Variants in CSMD1 observed in about 807,000 individuals in gnomAD.
CSMD1 encodes CUB and sushi domain-containing protein 1.
Under a neutral mutation model 417.5 loss-of-function variants are expected in CSMD1, and 213 were observed. That is an observed-to-expected ratio of 0.51 (90% CI 0.46 to 0.57). CSMD1 has a LOEUF of 0.57. Ranked by LOEUF, CSMD1 falls within the 20% of genes least tolerant of loss-of-function variation. The pLI is 0.00. For synonymous variants in CSMD1, 2,862 were observed against 1,736.8 expected, an observed-to-expected ratio of 1.65 and a Z score of -16.11; for missense variants, 6,923 against 4,529.7, an observed-to-expected ratio of 1.53 and a Z score of -15.17.
chr8:3,317,215 C>G (rs1248848540), intron 23 of CSMD1, among the ~76,000 whole-genome samples: 1 of 152,000 alleles, frequency 6.6e-6, no homozygotes, highest in Non-Finnish European at 1.5e-5. Flanking sequence ...CTGTATTAAC[C>G]CAGAAAAGGA....
intron 1 of CSMD1, among the ~76,000 whole-genome samples, chr8:4,691,058 G>A (rs964551785): frequency 6.6e-6 from 1 of 152,104 alleles, no homozygotes; most frequent in Non-Finnish European, 1.5e-5. Flanking sequence ...TTTGAAACAT[G>A]CACCTTTAAA....
chr8:4,516,658 GTTC>G (rs948486312), intron 2 of CSMD1, among the ~76,000 whole-genome samples: 1 of 152,096 alleles, frequency 6.6e-6, no homozygotes, highest in African/African-American at 2.4e-5. Context: ...CCTCTCTCAA[GTTC>G]TTATCTTTTC....
intron 3 of CSMD1, among the ~76,000 whole-genome samples, chr8:4,041,543 C>T (rs574968897): frequency 1.3e-5 from 2 of 152,016 alleles, no homozygotes; most frequent in African/African-American, 4.8e-5. Flanking sequence ...TATGGGAATA[C>T]AAAAATATTC....
chr8:2,987,415 A>T (rs952890842), intron 54 of CSMD1, among the ~76,000 whole-genome samples: 4 of 148,452 alleles, frequency 2.7e-5, no homozygotes, highest in African/African-American at 7.3e-5. Context: ...CTTTCTATAT[A>T]ATATATACAT....
intron 51 of CSMD1, among the ~76,000 whole-genome samples, chr8:3,021,874 C>T (rs1190432642): frequency 6.8e-6 from 1 of 146,698 alleles, no homozygotes; most frequent in Non-Finnish European, 1.5e-5. Flanking sequence ...CCCGCAATCC[C>T]ACAGCGTCCG....
At chr8:3,818,371 A>C (rs770205167) in intron 5 of CSMD1, among the ~76,000 whole-genome samples, 8 of 152,168 alleles carry the variant, frequency 5.3e-5, no homozygotes, top group Non-Finnish European at 8.8e-5. Flanking sequence ...AAGGTCTCCA[A>C]ATGTTTACTC....
chr8:4,370,034 TATA>T (rs1040042663), intron 3 of CSMD1, among the ~76,000 whole-genome samples: 27 of 152,310 alleles, frequency 1.8e-4, no homozygotes, highest in African/African-American at 6.5e-4. Flanking sequence ...ATAGTTGATT[TATA>T]ATGTCAATGA....
intron 2 of CSMD1, among the ~76,000 whole-genome samples, chr8:4,479,465 A>C (rs139751706): frequency 0.019 from 2,827 of 152,344 alleles, 40 homozygotes; most frequent in Middle Eastern, 0.085. Flanking sequence ...CTTACCATAC[A>C]ACCAAAATAA....
At chr8:3,289,653 G>GTTCA (rs1803405128) in intron 25 of CSMD1, among the ~76,000 whole-genome samples, 1 of 143,426 alleles carries the variant, frequency 7.0e-6, no homozygotes, top group Non-Finnish European at 1.5e-5. Context: ...CATATCCTTT[G>GTTCA]CCCACTTTTT....
Position 3,468,795 on chromosome 8 carries a change from A to C in CSMD1, c.1478T>G (p.Ile493Ser). 6.2e-7 allele frequency: 1 copy of C among 1,602,974 alleles called. No individual in the cohort carries two copies. Among genetic ancestry groups the C allele is most frequent in the Non-Finnish European group, 8.5e-7 (1 of 1,174,800 alleles). The change falls in exon 12 of 70, where the codon ATT becomes AGT. Residue 493 changes from isoleucine to serine, a missense_variant. Coordinates refer to ENST00000635120, the MANE Select transcript of CSMD1 (RefSeq NM_033225.6). ...VLTGSSVPDLIVSMSNQMWLH... is the reference protein window; with the variant it reads ...VLTGSSVPDLSVSMSNQMWLH... ...CCACATCTGGTTGCTCATGCTCACA[A>C]TGAGGTCAGGAACACTGGATCCCGT...
At chr8:4,712,366 G>A (rs1438169863) in intron 1 of CSMD1, among the ~76,000 whole-genome samples, 1 of 152,122 alleles carries the variant, frequency 6.6e-6, no homozygotes, top group East Asian at 1.9e-4. Context: ...ATTTGTACAT[G>A]GCACACACAG....
chr8:3,559,555 T>A (rs907230928), intron 10 of CSMD1, among the ~76,000 whole-genome samples: 1 of 152,038 alleles, frequency 6.6e-6, no homozygotes, highest in Admixed American at 6.6e-5. Context: ...GGAAAAGAAT[T>A]GGGTTTTTGT....
intron 50 of CSMD1, among the ~76,000 whole-genome samples, chr8:3,032,209 A>G (rs1419743635): frequency 1.3e-5 from 2 of 151,976 alleles, no homozygotes; most frequent in African/African-American, 4.8e-5. Flanking sequence ...AAATTTGTGC[A>G]AATTATCATT....
chr8:3,716,502 T>C (rs1472835287), intron 6 of CSMD1, among the ~76,000 whole-genome samples: 1 of 152,202 alleles, frequency 6.6e-6, no homozygotes, highest in Non-Finnish European at 1.5e-5. Flanking sequence ...AACTGTAAAC[T>C]GTCATGGTGC....
At chr8:4,117,677 A>T (rs1014633163) in intron 3 of CSMD1, among the ~76,000 whole-genome samples, 1 of 152,198 alleles carries the variant, frequency 6.6e-6, no homozygotes. Flanking sequence ...GACAGACTGT[A>T]TACCTGACAC....
intron 10 of CSMD1, among the ~76,000 whole-genome samples, chr8:3,520,020 C>CATATATATATATATATATATATA (rs1563116097): frequency 4.4e-5 from 6 of 137,584 alleles, no homozygotes; most frequent in African/African-American, 1.8e-4. Flanking sequence ...GTGTATATAC[C>CATATATATATATATATATATATA]TATATATATA....
chr8:3,222,755 T>A (rs1483612715), intron 28 of CSMD1, among the ~76,000 whole-genome samples: 3 of 152,198 alleles, frequency 2.0e-5, no homozygotes, highest in African/African-American at 7.2e-5. Context: ...CTGTAATAGC[T>A]GAGTAACATT....
intron 5 of CSMD1, among the ~76,000 whole-genome samples, chr8:3,822,513 A>C (rs1175982179): frequency 6.6e-6 from 1 of 152,238 alleles, no homozygotes; most frequent in Non-Finnish European, 1.5e-5. Flanking sequence ...ACTCATGCAC[A>C]GCAAAGTTAA....
chr8:4,006,099 G>C (rs375869266), intron 4 of CSMD1, among the ~76,000 whole-genome samples: 17 of 152,286 alleles, frequency 1.1e-4, no homozygotes, highest in Admixed American at 4.6e-4. Flanking sequence ...GCAACAGAAA[G>C]CACCATGTCC....
Sources: gnomAD v4.1 joint callset for allele counts (sites outside exome capture counted in the v4.1 genomes callset) on GRCh38, gnomAD v4.1.1 for gene constraint, MANE v1.5 for transcripts, NCBI Gene and HGNC (gene_info 2026-07-23, HGNC 2026-07-21) for gene names.